Variants in MUC12 observed in about 807,000 individuals in gnomAD.
The protein encoded by MUC12 is mucin-12.
In MUC12, 172 loss-of-function variants were observed where a neutral mutation model predicts 230.8. The ratio of observed to expected loss-of-function variants is 0.75; its 90% confidence interval spans 0.66 to 0.85. The LOEUF (loss-of-function observed/expected upper bound fraction) is 0.85, where lower values mean the gene tolerates loss of function less well. Ranked by LOEUF, MUC12 falls within the 40% of genes least tolerant of loss-of-function variation. The pLI is 0.00. For synonymous variants in MUC12, 1,259 were observed against 2,401.9 expected (o/e 0.52, Z 13.91); for missense variants, 3,506 against 5,920.6 (o/e 0.59, Z 13.38).
intron 1 of MUC12, among the ~76,000 whole-genome samples, chr7:100,981,889 C>T (rs1429636978): frequency 1.7e-4 from 21 of 121,570 alleles, no homozygotes; most frequent in African/African-American, 5.3e-4. Flanking sequence ...TTTTTTGAGA[C>T]GGAGTCTCAC....
Position 100,977,370 on chromosome 7 carries a change from CTT to C in MUC12, c.67+7694_67+7695del, listed in dbSNP as rs59529521. ...GAAGATCTCTCCTTGCCTTCTCTAG[CTT>C]TTTTTTTTTTTTGAGACGGAGTGTC... On this transcript the variant is annotated intron_variant, in intron 1 of 11. Transcript: ENST00000536621. 5.7e-3 allele frequency among the ~76,000 whole-genome samples: 816 copies of C among 144,148 alleles called. 1 individual carries two copies. The highest frequency in any genetic ancestry group is 9.4e-3 in the Non-Finnish European group (618 of 65,700). 94.6% of individuals were successfully genotyped at this position (144,148 alleles called of 152,430 possible).
At position 100,995,626 on chromosome 7, in the gene MUC12, C is replaced by T. The variant is rs759393902; in HGVS notation, c.5063C>T (p.Thr1688Ile). Residue 1688 changes from threonine to isoleucine, a missense_variant, in exon 2 of 12, where the codon ACC becomes ATC. By Grantham distance (89) the Thr-to-Ile change is moderately conservative. Coordinates refer to ENST00000536621, the MANE Select transcript of MUC12 (RefSeq NM_001164462.2). ...ACAACACGTCAGGGAGAATCTACCA[C>T]CTTCCAGAGCTGGCCAAGCTCAAAG... ...GSTTRQGEST[T>I]FQSWPSSKDT... 2.6e-6 allele frequency: 4 copies of T among 1,537,106 alleles called. No homozygotes were observed. The highest frequency in any genetic ancestry group is 1.2e-5 in the South Asian group (1 of 84,056).
At chr7:101,015,324 C>T (rs1052246945) in intron 9 of MUC12, 6 of 419,380 alleles carry the variant, frequency 1.4e-5, no homozygotes, top group Admixed American at 1.2e-4. Context: ...TGGCACAGTA[C>T]CTGACCCGAA....
At chr7:101,017,689 C>T (rs1386914861) in intron 11 of MUC12, 26 bp downstream of exon 11, 2 of 1,495,250 alleles carry the variant, frequency 1.3e-6, no homozygotes, top group Admixed American at 2.0e-5. Flanking sequence ...GCTGCCCCCA[C>T]CCCCTGAGGC....
chr7:100,986,567 T>C (rs1292206628), intron 1 of MUC12, among the ~76,000 whole-genome samples: 1 of 152,216 alleles, frequency 6.6e-6, no homozygotes, highest in Non-Finnish European at 1.5e-5. Context: ...AATGATTTGA[T>C]AGTGCTCTGT....
At chr7:100,971,685 G>T (rs182238061) in intron 1 of MUC12, among the ~76,000 whole-genome samples, 75 of 152,394 alleles carry the variant, frequency 4.9e-4, no homozygotes, top group African/African-American at 1.7e-3. Flanking sequence ...ATAAGACATA[G>T]ATTCCCTTTA....
intron 5 of MUC12, among the ~76,000 whole-genome samples, 163 bp downstream of exon 5, chr7:101,009,322 A>G (rs1362858837): frequency 1.3e-5 from 2 of 152,114 alleles, no homozygotes; most frequent in African/African-American, 4.8e-5. Flanking sequence ...TTCATTCTTC[A>G]TTCATTCATC....
intron 5 of MUC12, 83 bp downstream of exon 5, chr7:101,009,242 C>T: frequency 1.5e-6 from 2 of 1,369,226 alleles, no homozygotes; most frequent in South Asian, 1.2e-5. Context: ...TCATGAATGG[C>T]TAGAATATCA....
intron 3 of MUC12, among the ~76,000 whole-genome samples, chr7:101,008,143 T>C (rs1447182394): frequency 6.6e-6 from 1 of 150,496 alleles, no homozygotes; most frequent in Non-Finnish European, 1.5e-5. Flanking sequence ...CCATTTCTTT[T>C]GAGATAGGGT....
In MUC12 at chr7:101,003,416, A is replaced by G; in HGVS notation, c.12853A>G (p.Thr4285Ala). 2.0e-6 allele frequency: 3 copies of G among 1,518,040 alleles called. No individual in the cohort carries two copies. Among genetic ancestry groups the G allele is most frequent in the Non-Finnish European group, 2.6e-6 (3 of 1,140,230 alleles). 94.0% of individuals were successfully genotyped at this position (1,518,040 alleles called of 1,614,324 possible). A position where few individuals can be genotyped will look rare whatever the true frequency, so the allele number is the denominator to read the frequency against. ...FHSSPGSTETTLLPDNTTASG... is the reference protein window; with the variant it reads ...FHSSPGSTETALLPDNTTASG... ...CAGCAGCCCAGGCTCCACTGAAACA[A>G]CACTCTTACCTGACAACACCACAGC... Residue 4285 changes from threonine (T) to alanine (A), a missense_variant, in exon 2 of 12, where the codon ACA becomes GCA. Thr to Ala is a moderately conservative substitution (Grantham distance 58). Coordinates refer to ENST00000536621, the MANE Select transcript of MUC12 (RefSeq NM_001164462.2).
In MUC12 at chr7:100,991,535, G is replaced by A. The variant is rs79178035; in HGVS notation, c.972G>A (p.Leu324=). The part of the protein sequence containing the change: ...TTHFSASSTT[L]GHSEESTPVH... ...ACTTTTCTGCCAGCTCCACAACCTT[G>A]GGCCATAGTGAGGAATCGACACCAG... The change falls in exon 2 of 12, where the codon TTG becomes TTA. Residue 324 remains leucine (L), a synonymous_variant. Coordinates refer to ENST00000536621, the MANE Select transcript of MUC12 (RefSeq NM_001164462.2). The A allele has an allele frequency of 1.3e-6, 2 of 1,536,552 alleles. No homozygotes were observed. The highest frequency in any genetic ancestry group is 1.2e-5 in the South Asian group (1 of 83,998).
Position 101,005,064 on chromosome 7 carries a change from C to T in MUC12, c.14501C>T (p.Ser4834Leu). 2 of 1,537,834 alleles carry T rather than the reference C, an allele frequency of 1.3e-6. No homozygotes were observed. The highest frequency in any genetic ancestry group is 1.7e-6 in the Non-Finnish European group (2 of 1,147,046). The part of the protein sequence containing the change: ...TPHSQPGSAL[S>L]TVSPASTTVP... ...CATAGCCAACCAGGCTCAGCTCTGT[C>T]AACAGTGTCACCTGCCAGCACCACA... The change falls in exon 2 of 12, where the codon TCA becomes TTA. Residue 4834 changes from serine to leucine, a missense_variant. Coordinates refer to ENST00000536621, the MANE Select transcript of MUC12 (RefSeq NM_001164462.2).
intron 1 of MUC12, among the ~76,000 whole-genome samples, chr7:100,986,068 A>G (rs961749097): frequency 3.9e-5 from 6 of 152,208 alleles, no homozygotes; most frequent in Non-Finnish European, 5.9e-5. Context: ...ACCGACTTCA[A>G]AACAAACATG....
chr7:101,015,498 A>G (rs927678944), intron 9 of MUC12, 117 bp from the exon 10 acceptor site: 6 of 795,764 alleles, frequency 7.5e-6, no homozygotes, highest in Middle Eastern at 2.5e-4. Flanking sequence ...CATCGCTGCC[A>G]TCTCTGACTC....
At position 100,991,460 on chromosome 7, in the gene MUC12, T is replaced by G. The variant is rs1285759966; in HGVS notation, c.897T>G (p.Val299=). Residue 299 remains valine (V), a synonymous_variant, in exon 2 of 12, where the codon GTT becomes GTG. Coordinates refer to ENST00000536621, the MANE Select transcript of MUC12 (RefSeq NM_001164462.2). ...PAPSGTTSAF[V]KLSTTYHSSP... The stretch of plus-strand genomic sequence containing the variant: ...CTTCTGGTACCACATCAGCCTTTGT[T>G]AAACTATCTACAACTTATCACAGCA... The G allele has an allele frequency of 6.5e-7, 1 of 1,537,722 alleles. No individual in the cohort carries two copies. Among genetic ancestry groups the G allele is most frequent in the African/African-American group, 1.4e-5 (1 of 73,098 alleles).
chr7:100,995,081 C>G lies in MUC12; in HGVS notation c.4518C>G (p.Leu1506=). The G allele has an allele frequency of 3.3e-6, 2 of 601,938 alleles. No homozygotes were observed. The highest frequency in any genetic ancestry group is 3.8e-5 in the South Asian group (2 of 52,716). The allele number at this position is 601,938 out of a possible 1,614,324, so 37.3% of individuals were successfully genotyped here. A position where few individuals can be genotyped will look rare whatever the true frequency, so the allele number is the denominator to read the frequency against. ...HSSPGATGTA[L]FPTRSATSVL... ...GCCCAGGTGCAACTGGAACAGCACT[C>G]TTCCCTACCCGCTCTGCAACCTCAG... The change falls in exon 2 of 12, where the codon CTC becomes CTG. Residue 1506 remains leucine (L), a synonymous_variant. Transcript: ENST00000536621.
At position 100,994,614 on chromosome 7, in the gene MUC12, C is replaced by A. The variant is rs1793422824; in HGVS notation, c.4051C>A (p.Gln1351Lys). The change falls in exon 2 of 12, where the codon CAG becomes AAG. Residue 1351 changes from glutamine (Q) to lysine (K), a missense_variant. Transcript: ENST00000536621. ...CAGCACCACCACCTCAGACCTCAGT[C>A]AGGAACCTACAACTTCCCACAGCAG... ...PDSTTTSDLS[Q>K]EPTTSHSSQG... 7.4e-7 allele frequency: 1 copy of A among 1,347,566 alleles called. No homozygotes were observed. The highest frequency in any genetic ancestry group is 1.3e-5 in the South Asian group (1 of 78,804). The allele number at this position is 1,347,566 out of a possible 1,614,324, so 83.5% of individuals were successfully genotyped here.
At chr7:100,981,903 A>G (rs1436233978) in intron 1 of MUC12, among the ~76,000 whole-genome samples, 2 of 110,026 alleles carry the variant, frequency 1.8e-5, no homozygotes, top group Non-Finnish European at 3.7e-5. Flanking sequence ...GTCTCACTTT[A>G]TTGTCCAGAC....
chr7:101,004,526 C>A lies in MUC12; in HGVS notation c.13963C>A (p.Pro4655Thr). Residue 4655 changes from proline (P) to threonine (T), a missense_variant, in exon 2 of 12, where the codon CCT becomes ACT. Coordinates refer to ENST00000536621, the MANE Select transcript of MUC12 (RefSeq NM_001164462.2). ...CACCACATCTGCCCTTGTTGAAGAA[C>A]CTACCAGCTACCACAGCAGCCCGGG... ...PSTTSALVEE[P>T]TSYHSSPGSI... 1 of 1,534,070 alleles carries A rather than the reference C, an allele frequency of 6.5e-7. No individual in the cohort carries two copies. The highest frequency in any genetic ancestry group is 8.7e-7 in the Non-Finnish European group (1 of 1,146,090).
Sources: allele counts gnomAD v4.1 joint callset (sites outside exome capture counted in the v4.1 genomes callset), GRCh38; gene constraint gnomAD v4.1.1; transcripts MANE v1.5; gene names NCBI Gene and HGNC (gene_info 2026-07-23, HGNC 2026-07-21).